MAN1A1: variants seen among roughly 807,000 people sequenced by gnomAD.
MAN1A1 encodes mannosidase alpha class 1A member 1, also known as mannosyl-oligosaccharide 1,2-alpha-mannosidase IA.
MAN1A1 carries 29 observed loss-of-function variants against 70.8 expected under a neutral mutation model. The ratio of observed to expected loss-of-function variants is 0.41; its 90% CI spans 0.31 to 0.56. The LOEUF is 0.56. Among genes scored for constraint, MAN1A1 ranks in the 20% least tolerant of loss-of-function variants. The pLI is 0.29. For missense variants in MAN1A1, 747 were observed against 841.3 expected (o/e 0.89, Z 1.39); for synonymous variants, 349 against 330.1 (o/e 1.06, Z -0.62).
At chr6:119,257,488 G>C (rs1189886129) in intron 5 of MAN1A1, among the ~76,000 whole-genome samples, 1 of 151,900 alleles carries the variant, frequency 6.6e-6, no homozygotes, top group African/African-American at 2.4e-5. Flanking sequence ...GAGTGTAAGA[G>C]GCAAACATAT....
chr6:119,338,069 T>TAAAA (rs61463278), intron 2 of MAN1A1, among the ~76,000 whole-genome samples: 2 of 139,748 alleles, frequency 1.4e-5, no homozygotes, highest in African/African-American at 2.6e-5. Context: ...GCTAGTTGAC[T>TAAAA]AAAAAAAAAA....
At chr6:119,213,526 A>C (rs893494484) in intron 6 of MAN1A1, among the ~76,000 whole-genome samples, 2 of 152,236 alleles carry the variant, frequency 1.3e-5, no homozygotes, top group Non-Finnish European at 2.9e-5. Context: ...AACGAAGTCA[A>C]TGTGTACCCT....
At position 119,271,147 on chromosome 6, in the gene MAN1A1, T is replaced by C. The variant is rs552015657; in HGVS notation, c.897+19536A>G. On this transcript the variant is annotated intron_variant, in intron 5 of 12. Transcript: ENST00000368468. ...CATTTCACTGGAAGGAGTCATTGTG[T>C]TTAGATACAAAAATGGGTTAAGAAG... Among the ~76,000 whole-genome samples, 16 of 152,316 alleles carry C rather than the reference T, an allele frequency of 1.1e-4. No homozygotes were observed. The South Asian group carries it at 2.1e-3, about 20-fold the overall frequency.
At chr6:119,300,341 C>T (rs950242578) in intron 4 of MAN1A1, among the ~76,000 whole-genome samples, 9 of 151,790 alleles carry the variant, frequency 5.9e-5, no homozygotes, top group Admixed American at 2.0e-4. Context: ...CTGCAACATC[C>T]GCCTCCTGGG....
intron 6 of MAN1A1, among the ~76,000 whole-genome samples, chr6:119,224,903 C>G (rs1671315109): frequency 2.6e-5 from 4 of 151,818 alleles, no homozygotes; most frequent in Admixed American, 2.6e-4. Flanking sequence ...CCGAGGTGGA[C>G]AGATCACAAG....
chr6:119,197,802 G>GTTTT (rs75604834), intron 8 of MAN1A1, among the ~76,000 whole-genome samples: 1,658 of 148,772 alleles, frequency 0.011, 15 homozygotes, highest in Non-Finnish European at 0.019. Flanking sequence ...TTTGTTTTTT[G>GTTTT]TTTTTTTTTT....
intron 6 of MAN1A1, among the ~76,000 whole-genome samples, chr6:119,219,299 T>G (rs1327293353): frequency 2.0e-5 from 3 of 152,162 alleles, no homozygotes; most frequent in Admixed American, 6.5e-5. Context: ...GTTTTGACAA[T>G]AGAGAGACTA....
intron 6 of MAN1A1, among the ~76,000 whole-genome samples, chr6:119,247,094 A>G (rs1000659276): frequency 3.3e-5 from 5 of 152,240 alleles, no homozygotes; most frequent in Non-Finnish European, 7.3e-5. Context: ...TAAAGGAAAA[A>G]TAAAATAAAC....
At chr6:119,306,253 G>A (rs918707185) in intron 3 of MAN1A1, among the ~76,000 whole-genome samples, 2 of 152,152 alleles carry the variant, frequency 1.3e-5, no homozygotes, top group Non-Finnish European at 2.9e-5. Context: ...ATACTGGGCA[G>A]CTCTGTGACC....
chr6:119,228,273 C>A (rs1207084959), intron 6 of MAN1A1, among the ~76,000 whole-genome samples: 1 of 152,152 alleles, frequency 6.6e-6, no homozygotes, highest in Non-Finnish European at 1.5e-5. Context: ...ATGTGATTAA[C>A]TTCACTCCAA....
rs1027012126 is a variant in MAN1A1, at chr6:119,180,328, G to A, written c.1819C>T (p.Leu607=). ...TTCACCTACTTCAATGTCTCTGCCA[G>A]GAAGAAACTCTGCTGCACATCATCA... is the stretch of plus-strand genomic sequence containing the variant. The part of the protein sequence containing the change: ...SYDDVQQSFF[L]AETLKYLYLI... The change falls in exon 12 of 13, where the codon CTG becomes TTG. Residue 607 remains leucine, a synonymous_variant. Transcript: ENST00000368468. 1 of 1,613,016 alleles carries A rather than the reference G, an allele frequency of 6.2e-7. No homozygotes were observed. The highest frequency in any genetic ancestry group is 1.3e-5 in the African/African-American group (1 of 74,834).
intron 6 of MAN1A1, among the ~76,000 whole-genome samples, chr6:119,207,827 G>A (rs1204126843): frequency 6.6e-6 from 1 of 152,118 alleles, no homozygotes; most frequent in Non-Finnish European, 1.5e-5. Context: ...GGTGGAGAGG[G>A]GGTCACAGTG....
chr6:119,292,388 T>C (rs970406065), intron 4 of MAN1A1, among the ~76,000 whole-genome samples: 1 of 151,970 alleles, frequency 6.6e-6, no homozygotes, highest in Non-Finnish European at 1.5e-5. Context: ...TTAGTCAAAA[T>C]CATGGGATAT....
chr6:119,262,964 T>A (rs1297686615), intron 5 of MAN1A1, among the ~76,000 whole-genome samples: 2 of 152,144 alleles, frequency 1.3e-5, no homozygotes, highest in African/African-American at 4.8e-5. Context: ...ATGGGCACAA[T>A]CTAATCAGCT....
rs746637161 is a variant in MAN1A1 at position 119,204,920 on chromosome 6, T to C, written c.993-38A>G. On this transcript the variant is annotated intron_variant, in intron 6 of 12. Coordinates refer to ENST00000368468, the MANE Select transcript of MAN1A1 (RefSeq NM_005907.4). ...TGACGTCGAAGAGTTATGGGTCAGA[T>C]TAACTCCGTTTTTCACTATCTAAAT... The C allele has an allele frequency of 1.4e-5, 22 of 1,602,004 alleles. No individual in the cohort carries two copies. In the African/African-American group the frequency reaches 2.6e-4, roughly 19 times the overall value.
chr6:119,292,536 GA>G (rs1052888326), intron 4 of MAN1A1, among the ~76,000 whole-genome samples: 21 of 150,902 alleles, frequency 1.4e-4, no homozygotes, highest in South Asian at 6.3e-4. Context: ...AATATTTCCA[GA>G]AAAAAAAGGA....
chr6:119,184,909 A>G (rs873537), intron 11 of MAN1A1, among the ~76,000 whole-genome samples: 29,239 of 151,794 alleles, frequency 0.19, 2,988 homozygotes, highest in East Asian at 0.3. Flanking sequence ...TAAAATTTTC[A>G]AGAGAGTCTC....
chr6:119,245,090 G>C (rs1775136135), intron 6 of MAN1A1, among the ~76,000 whole-genome samples: 2 of 152,126 alleles, frequency 1.3e-5, no homozygotes, highest in Admixed American at 1.3e-4. Context: ...TCAAAATTGA[G>C]AGGGAAGAGC....
At position 119,348,818 on chromosome 6, in the gene MAN1A1, G is replaced by A; in HGVS notation, c.248C>T (p.Ala83Val). ...CCCGGGCCCGGGCTTGTGGTCGGCG[G>A]CCGGCTGCAAGGCGGGGCTGGAGTG... The part of the protein sequence containing the change: ...LFHSSPALQP[A>V]ADHKPGPGAR... The change falls in exon 2 of 13, where the codon GCC becomes GTC. Residue 83 changes from alanine (A) to valine (V), a missense_variant. Ala to Val is a moderately conservative substitution (Grantham distance 64). Around this residue, in one of 2 missense-constraint regions of MAN1A1, gnomAD observed 328 missense variants for 293.1 expected, o/e 1.12. Transcript: ENST00000368468. 1 of 1,459,358 alleles carries A rather than the reference G, an allele frequency of 6.9e-7. No individual in the cohort carries two copies. Among genetic ancestry groups the A allele is most frequent in the Non-Finnish European group, 9.1e-7 (1 of 1,101,514 alleles). The allele number at this position is 1,459,358 out of a possible 1,614,324, so 90.4% of individuals were successfully genotyped here.
Sources: gnomAD v4.1 joint callset for allele counts (sites outside exome capture counted in the v4.1 genomes callset) on GRCh38, gnomAD v4.1.1 for gene constraint, gnomAD v4.1.1 regional missense constraint, MANE v1.5 for transcripts, NCBI Gene and HGNC (gene_info 2026-07-23, HGNC 2026-07-21) for gene names.